Variants in COL9A1 observed in about 807,000 individuals in gnomAD.
The protein encoded by COL9A1 is collagen type IX alpha 1 chain.
Under a neutral mutation model 142.6 loss-of-function variants are expected in COL9A1, and 104 were observed. The ratio of observed to expected loss-of-function variants is 0.73; its 90% CI spans 0.62 to 0.86. The LOEUF (loss-of-function observed/expected upper bound fraction) is 0.86, where lower values mean the gene tolerates loss of function less well. Ranked by LOEUF, COL9A1 falls within the 40% of genes least tolerant of loss-of-function variation. The pLI is 0.00. For missense variants in COL9A1, 1,210 were observed against 1,176.6 expected (o/e 1.03, Z -0.42); for synonymous variants, 466 against 396.0 (o/e 1.18, Z -2.10).
At chr6:70,290,877 T>C (rs1252940011) in intron 5 of COL9A1, among the ~76,000 whole-genome samples, 1 of 152,154 alleles carries the variant, frequency 6.6e-6, no homozygotes, top group Non-Finnish European at 1.5e-5. Flanking sequence ...TCTTATTGTT[T>C]TTATGGTATT....
chr6:70,247,486 G>A (rs962502871), intron 28 of COL9A1, among the ~76,000 whole-genome samples: 8 of 152,076 alleles, frequency 5.3e-5, no homozygotes, highest in Non-Finnish European at 8.8e-5. Context: ...ACTGAAAAAC[G>A]AACACTATCC....
chr6:70,290,319 C>G (rs1773610252), intron 5 of COL9A1, among the ~76,000 whole-genome samples: 1 of 152,048 alleles, frequency 6.6e-6, no homozygotes, highest in Non-Finnish European at 1.5e-5. Context: ...GCCAGGAAAC[C>G]AAGCTTTGCA....
chr6:70,255,206 G>A lies in COL9A1; in HGVS notation c.1558-3C>T. 6.2e-7 allele frequency: 1 copy of A among 1,614,138 alleles called. No individual in the cohort carries two copies. The highest frequency in any genetic ancestry group is 1.1e-5 in the South Asian group (1 of 91,076). ...ATTCCTCTAGCACCTTCAGCCCCCT[G>A]CAGGGAGGAAGAGAAAGAATAGACA... On this transcript the variant is annotated splice_region_variant and splice_polypyrimidine_tract_variant and intron_variant, in intron 22 of 37. Coordinates refer to ENST00000357250, the MANE Select transcript of COL9A1 (RefSeq NM_001851.6).
At chr6:70,262,724 CCTTA>C (rs1771769743) in intron 19 of COL9A1, among the ~76,000 whole-genome samples, 1 of 152,178 alleles carries the variant, frequency 6.6e-6, no homozygotes, top group Admixed American at 6.5e-5. Flanking sequence ...CCCCAAATCA[CCTTA>C]CTGTGAATAT....
At chr6:70,230,017 T>A (rs981802248) in intron 36 of COL9A1, among the ~76,000 whole-genome samples, 2 of 152,136 alleles carry the variant, frequency 1.3e-5, no homozygotes, top group African/African-American at 4.8e-5. Context: ...AAAAAGGCTC[T>A]CAAAGTGACC....
chr6:70,234,245 T>C (rs1769743324), intron 35 of COL9A1, among the ~76,000 whole-genome samples: 2 of 150,696 alleles, frequency 1.3e-5, no homozygotes. Context: ...AGTGTGTGTG[T>C]GTGTGTGTGT....
chr6:70,256,669 A>G, intron 21 of COL9A1, 99 bp downstream of exon 21: 1 of 913,690 alleles, frequency 1.1e-6, no homozygotes, highest in Non-Finnish European at 1.7e-6. Flanking sequence ...CCACTTTTCC[A>G]CTTTAATTAT....
chr6:70,280,303 A>G, intron 10 of COL9A1: 4 of 1,222,074 alleles, frequency 3.3e-6, no homozygotes, highest in Non-Finnish European at 4.1e-6. Flanking sequence ...CTTCAAGTGC[A>G]TCTTTCTTTT....
chr6:70,265,847 T>A (rs544805349), intron 18 of COL9A1, among the ~76,000 whole-genome samples: 1 of 152,264 alleles, frequency 6.6e-6, no homozygotes, highest in East Asian at 1.9e-4. Flanking sequence ...AGCTAAGAAG[T>A]TCAAGGGTAT....
intron 6 of COL9A1, chr6:70,283,145 T>A (rs1416875086): frequency 6.6e-7 from 1 of 1,524,158 alleles, no homozygotes; most frequent in East Asian, 2.4e-5. Flanking sequence ...TGGCACTTCG[T>A]CCCTGCAGAA....
intron 5 of COL9A1, 82 bp downstream of exon 5, chr6:70,294,085 G>C: frequency 1.3e-6 from 2 of 1,548,396 alleles, no homozygotes; most frequent in Non-Finnish European, 1.8e-6. Flanking sequence ...GCACTCAGCT[G>C]ATTATCAAAG....
chr6:70,283,811 G>A lies in COL9A1; in HGVS notation c.706C>T (p.Gln236Ter), dbSNP rs140240551. 25 of 1,606,512 alleles carry A rather than the reference G, an allele frequency of 1.6e-5. No homozygotes were observed. Among genetic ancestry groups the A allele is most frequent in the Non-Finnish European group, 2.1e-5 (25 of 1,176,174 alleles). The stretch of plus-strand genomic sequence containing the variant: ...GGGTCACAATGGATCAGCATCCATT[G>A]AAGTTCAAACTGGAGAAAGGTAGTA... ...NPQVSVPFEL[Q>*]WMLIHCDPLR... Residue 236 changes from glutamine to a stop codon, truncating the protein, a stop_gained, in exon 6 of 38, where the codon CAA (glutamine) becomes TAA (stop). Transcript: ENST00000357250. LOFTEE classifies it high-confidence loss of function.
At chr6:70,300,200 A>C (rs1482716193) in intron 3 of COL9A1, 25 bp from the exon 4 acceptor site, 43 of 1,613,512 alleles carry the variant, frequency 2.7e-5, no homozygotes, top group Non-Finnish European at 3.1e-5. Context: ...TACAAAATGA[A>C]AAGTCTAAAA....
chr6:70,226,066 C>T, intron 36 of COL9A1, 57 bp from the exon 37 acceptor site: 1 of 1,430,902 alleles, frequency 7.0e-7, no homozygotes, highest in Non-Finnish European at 9.8e-7. Context: ...TAAACTTCCG[C>T]ATCTTTAAAC....
At chr6:70,224,608 A>T (rs1367216079) in intron 37 of COL9A1, among the ~76,000 whole-genome samples, 1 of 152,178 alleles carries the variant, frequency 6.6e-6, no homozygotes, top group Non-Finnish European at 1.5e-5. Flanking sequence ...TGATGATGGT[A>T]TGTTGTCAGC....
chr6:70,295,383 T>TTCAAGTGA (rs1773815713), intron 4 of COL9A1, among the ~76,000 whole-genome samples: 1 of 144,822 alleles, frequency 6.9e-6, no homozygotes, highest in Non-Finnish European at 1.5e-5. Context: ...ACCTCCTGGG[T>TTCAAGTGA]TCAAGTGATT....
In COL9A1 at chr6:70,272,066, G is replaced by T. The variant is rs748527431; in HGVS notation, c.1088C>A (p.Pro363His). The change falls in exon 13 of 38, where the codon CCT (proline) becomes CAT (histidine). Residue 363 changes from proline (P) to histidine (H), a missense_variant and splice_region_variant. Physicochemically the swap from Pro to His is moderately conservative, Grantham distance 77. Transcript: ENST00000357250. ...AATAAATGATGAAGTGATACTTACA[G>T]GGGGTCCAGGAATACCACGGCCCTA... is the stretch of plus-strand genomic sequence containing the variant. ...GFPGRGIPGP[P>H]GPPGTAGLPG... is the part of the protein sequence containing the mutation. 1 of 1,611,816 alleles carries T rather than the reference G, an allele frequency of 6.2e-7. No homozygotes were observed. The highest frequency in any genetic ancestry group is 2.2e-5 in the East Asian group (1 of 44,838).
intron 21 of COL9A1, 53 bp downstream of exon 21, chr6:70,256,715 T>G (rs1205837382): frequency 6.8e-7 from 1 of 1,476,784 alleles, no homozygotes; most frequent in East Asian, 2.3e-5. Flanking sequence ...CATGCATACA[T>G]AGCAAAAAAA....
At chr6:70,234,688 G>A in intron 34 of COL9A1, 95 bp from the exon 35 acceptor site, 1 of 1,602,350 alleles carries the variant, frequency 6.2e-7, no homozygotes. Flanking sequence ...GGAGCCAGGT[G>A]GCTGGATTTA....
Sources: allele counts gnomAD v4.1 joint callset (sites outside exome capture counted in the v4.1 genomes callset), GRCh38; gene constraint gnomAD v4.1.1; transcripts MANE v1.5; gene names NCBI Gene and HGNC (gene_info 2026-07-23, HGNC 2026-07-21).